Variants in NOTCH1 observed in about 807,000 individuals in gnomAD.
NOTCH1 encodes neurogenic locus notch homolog protein 1.
In NOTCH1, 37 loss-of-function variants were observed where a neutral mutation model predicts 254.8. That is an observed-to-expected ratio of 0.15 (90% CI 0.11 to 0.19). The LOEUF is 0.19. Among genes scored for constraint, NOTCH1 ranks in the 10% least tolerant of loss-of-function variants. The pLI is 1.00. For missense variants in NOTCH1, 2,972 were observed against 3,708.6 expected (o/e 0.80, Z 5.16); for synonymous variants, 1,731 against 1,618.1 (o/e 1.07, Z -1.68).
rs1843389719 is a variant in NOTCH1 at position 136,522,600 on chromosome 9, G to C, written c.742+250C>G. 9.7e-6 allele frequency: 5 copies of C among 516,184 alleles called. No homozygotes were observed. In the East Asian group the frequency reaches 1.6e-4, roughly 17 times the overall value. 32.0% of individuals were successfully genotyped at this position (516,184 alleles called of 1,614,324 possible). A position where few individuals can be genotyped will look rare whatever the true frequency, so the allele number is the denominator to read the frequency against. On this transcript the variant is annotated intron_variant, in intron 4 of 33. Transcript: ENST00000651671. ...AGGCAGGGCGTCCTACAGCTCGAATGTGAGTTCCGGGAAACTCCAGAGACA... is the reference window on the plus strand; with the variant it reads ...AGGCAGGGCGTCCTACAGCTCGAATCTGAGTTCCGGGAAACTCCAGAGACA...
rs371414501 is a variant in NOTCH1 at position 136,500,656 on chromosome 9, C to T, written c.5830G>A (p.Ala1944Thr). 9 of 1,611,720 alleles carry T rather than the reference C, an allele frequency of 5.6e-6. No individual in the cohort carries two copies. Among genetic ancestry groups the T allele is most frequent in the South Asian group, 5.5e-5 (5 of 91,078 alleles). ...GCGCTGGCCTCCAGCAGGCGCTTGG[C>T]GGCATCAGAGCGTGAGTAGCGGGCG... The part of the protein sequence containing the change: ...LAARYSRSDA[A>T]KRLLEASADA... Residue 1944 changes from alanine (A) to threonine (T), a missense_variant, in exon 31 of 34, where the codon GCC becomes ACC. Ala to Thr is a moderately conservative substitution (Grantham distance 58, BLOSUM62 0). This residue lies in a region of NOTCH1 where 421 missense variants were observed against 604.4 expected (regional missense o/e 0.70). Coordinates refer to ENST00000651671, the MANE Select transcript of NOTCH1 (RefSeq NM_017617.5).
intron 26 of NOTCH1, 66 bp downstream of exon 26, chr9:136,504,607 G>A: frequency 7.0e-7 from 1 of 1,423,810 alleles, no homozygotes. Flanking sequence ...GTGAGGGGCA[G>A]GGAGGCCGTC....
At chr9:136,516,246 C>T (rs958421425) in intron 9 of NOTCH1, 152 bp from the exon 10 acceptor site, 22 of 653,922 alleles carry the variant, frequency 3.4e-5, no homozygotes, top group South Asian at 1.4e-4. Flanking sequence ...CCCTGCCTCC[C>T]GCTGCCCGCT....
intron 2 of NOTCH1, among the ~76,000 whole-genome samples, chr9:136,524,634 CTTTTCTTT>C (rs149685156): frequency 0.35 from 44,289 of 125,228 alleles, 6,861 homozygotes; most frequent in East Asian, 0.69. Context: ...CTTTCTTTTT[CTTTTCTTT>C]TTTTTTTTTT....
rs1234648739 is a variant in NOTCH1, at chr9:136,546,020, G to C, written c.-234C>G. On this transcript the variant is annotated 5_prime_UTR_variant, in exon 1 of 34. Transcript: ENST00000651671. ...CCCGCGCCCCGCGCCCCGCGCCCTTGCGCTCCCTCCCGCGGCCGAGGCACT... is the reference window on the plus strand; with the variant it reads ...CCCGCGCCCCGCGCCCCGCGCCCTTCCGCTCCCTCCCGCGGCCGAGGCACT... 6.7e-6 allele frequency among the ~76,000 whole-genome samples: 1 copy of C among 148,740 alleles called. No individual in the cohort carries two copies. The highest frequency in any genetic ancestry group is 2.5e-5 in the African/African-American group (1 of 40,662).
intron 2 of NOTCH1, among the ~76,000 whole-genome samples, chr9:136,542,725 G>T (rs1039306949): frequency 6.6e-6 from 1 of 151,896 alleles, no homozygotes; most frequent in Non-Finnish European, 1.5e-5. Context: ...GGCAGGAGCC[G>T]GGCTGGGGTT....
rs373779257 is a variant in NOTCH1 at position 136,508,221 on chromosome 9, C to T, written c.3325+11G>A. 3.2e-5 allele frequency: 52 copies of T among 1,610,636 alleles called. No individual in the cohort carries two copies. In the African/African-American group the frequency reaches 5.3e-4, roughly 17 times the overall value. The stretch of plus-strand genomic sequence containing the variant: ...GGCTGGGACCCGAGCTGGGTGGGCA[C>T]AGCAGGTTACCTTGTCGCTGCGCAG... On this transcript the variant is annotated intron_variant, in intron 20 of 33. Transcript: ENST00000651671.
rs765473006 is a variant in NOTCH1, at chr9:136,513,174, C to T, written c.2354-40G>A. 7.6e-5 allele frequency: 119 copies of T among 1,557,782 alleles called. No individual in the cohort carries two copies. Among genetic ancestry groups the T allele is most frequent in the Non-Finnish European group, 8.5e-5 (96 of 1,130,342 alleles). On this transcript the variant is annotated intron_variant, in intron 14 of 33. Coordinates refer to ENST00000651671, the MANE Select transcript of NOTCH1 (RefSeq NM_017617.5). The surrounding 1 kb of genome is among the most constrained non-coding windows in gnomAD (Gnocchi z 4.7). ...ACAGCACTCGGCATGTCCAGCACTC[C>T]CAGGCACCTTGGCAGGGCCCCACAA... is the stretch of plus-strand genomic sequence containing the variant.
chr9:136,515,856 A>G, intron 10 of NOTCH1, 125 bp downstream of exon 10: 2 of 465,192 alleles, frequency 4.3e-6, no homozygotes. Flanking sequence ...ATTGGGGCTG[A>G]GCTGTGCTCT....
At chr9:136,541,134 C>G (rs1045567133) in intron 2 of NOTCH1, among the ~76,000 whole-genome samples, 1 of 152,198 alleles carries the variant, frequency 6.6e-6, no homozygotes, top group Non-Finnish European at 1.5e-5. Context: ...ACACCTCGCA[C>G]AGCAGCTGCC....
intron 2 of NOTCH1, among the ~76,000 whole-genome samples, chr9:136,541,099 A>G (rs1445611723): frequency 3.9e-5 from 6 of 152,110 alleles, no homozygotes; most frequent in Admixed American, 2.6e-4. Context: ...GAAGGCCACC[A>G]TCTCCGACCA....
rs747447584 is a variant in NOTCH1 at position 136,504,827 on chromosome 9, G to A, written c.4864C>T (p.Arg1622Cys). The A allele has an allele frequency of 4.1e-5, 64 of 1,573,836 alleles. No individual in the cohort carries two copies. Among genetic ancestry groups the A allele is most frequent in the African/African-American group, 2.3e-4 (17 of 74,372 alleles). Residue 1622 changes from arginine (R) to cysteine (C), a missense_variant, in exon 26 of 34, where the codon CGC becomes TGC. Physicochemically the swap from Arg to Cys is radical, Grantham distance 180. Around this residue, in one of 8 missense-constraint regions of NOTCH1, gnomAD observed 1,343 missense variants for 1,557.0 expected, o/e 0.86. Transcript: ENST00000651671. ...GGGTGCTTGCGCAGCTCCTCCTCGCGGCCGTAGTAGGGGAAGATCATCTGC... is the reference window on the plus strand; with the variant it reads ...GGGTGCTTGCGCAGCTCCTCCTCGCAGCCGTAGTAGGGGAAGATCATCTGC... ...GQQMIFPYYGREEELRKHPIK... is the reference protein window; with the variant it reads ...GQQMIFPYYGCEEELRKHPIK...
At chr9:136,533,968 C>A (rs1257342468) in intron 2 of NOTCH1, among the ~76,000 whole-genome samples, 1 of 152,224 alleles carries the variant, frequency 6.6e-6, no homozygotes, top group Non-Finnish European at 1.5e-5. Flanking sequence ...GTGGCTCGGG[C>A]CATGAGTCAC....
rs536389173 is a variant in NOTCH1 at position 136,545,091 on chromosome 9, T to G, written c.61+635A>C. 3.3e-5 allele frequency among the ~76,000 whole-genome samples: 5 copies of G among 151,718 alleles called. No individual in the cohort carries two copies. In the South Asian group the frequency reaches 6.2e-4, roughly 19 times the overall value. ...TCTCCGCCCCCAAGCTTTCCAAACT[T>G]CAACTCCGCAAAGCAAAAGGAAAGT... is the stretch of plus-strand genomic sequence containing the variant. On this transcript the variant is annotated intron_variant, in intron 1 of 33. Coordinates refer to ENST00000651671, the MANE Select transcript of NOTCH1 (RefSeq NM_017617.5). This position sits in a 1 kb window ranked among gnomAD's most constrained non-coding sequence, Gnocchi z 6.8.
chr9:136,535,764 GA>G (rs1843642040), intron 2 of NOTCH1, among the ~76,000 whole-genome samples: 15 of 73,454 alleles, frequency 2.0e-4, no homozygotes, highest in Non-Finnish European at 3.4e-4. Context: ...CCGGGGCAAT[GA>G]GTGCAGGGTG....
At position 136,515,682 on chromosome 9, in the gene NOTCH1, A is replaced by G. The variant is rs2133364246; in HGVS notation, c.1704T>C (p.Asp568=). Residue 568 remains aspartate (D), a synonymous_variant, in exon 11 of 34, where the codon GAT becomes GAC. Transcript: ENST00000651671. Reference sequence around the variant, plus strand: ...AGTGGCAGGGGTCGGGGTCGCACTCATCGATGTCCACCTCGCAGTGCGTCC... The same window carrying G: ...AGTGGCAGGGGTCGGGGTCGCACTCGTCGATGTCCACCTCGCAGTGCGTCC... ...YTGTHCEVDI[D]ECDPDPCHYG... is the part of the protein sequence containing the mutation. The G allele has an allele frequency of 6.4e-7, 1 of 1,555,990 alleles. No homozygotes were observed. Among genetic ancestry groups the G allele is most frequent in the Non-Finnish European group, 8.6e-7 (1 of 1,156,218 alleles).
intron 25 of NOTCH1, 55 bp downstream of exon 25, chr9:136,505,255 C>G (rs1843062295): frequency 1.3e-6 from 2 of 1,540,058 alleles, no homozygotes; most frequent in African/African-American, 2.7e-5. Context: ...GGGCCCAAGC[C>G]AGGCCACATC....
chr9:136,494,476 T>C lies in NOTCH1; in HGVS notation c.*1595A>G. The stretch of plus-strand genomic sequence containing the variant: ...CAGTATCATTTTTATTGCAAATCAG[T>C]TAACAAAAAAGATGAAAAAAATACA... On this transcript the variant is annotated 3_prime_UTR_variant, in exon 34 of 34. Transcript: ENST00000651671. The C allele has an allele frequency of 2.5e-6, 1 of 398,978 alleles. No individual in the cohort carries two copies. The highest frequency in any genetic ancestry group is 3.5e-5 in the East Asian group (1 of 28,202). The allele number at this position is 398,978 out of a possible 1,614,324, so 24.7% of individuals were successfully genotyped here.
chr9:136,522,650 A>C, intron 4 of NOTCH1, 200 bp downstream of exon 4: 1 of 587,062 alleles, frequency 1.7e-6, no homozygotes, highest in Non-Finnish European at 3.0e-6. Context: ...GACCCTGTGC[A>C]AGCCTCCTCC....
Sources: gnomAD v4.1 joint callset for allele counts (sites outside exome capture counted in the v4.1 genomes callset) on GRCh38, gnomAD v4.1.1 for gene constraint, gnomAD v4.1.1 regional missense constraint, Gnocchi (gnomAD v3.1) non-coding constraint, MANE v1.5 for transcripts, NCBI Gene and HGNC (gene_info 2026-07-23, HGNC 2026-07-21) for gene names.